The following MYOM1 variants were observed in gnomAD, a reference collection of about 807,000 sequenced individuals.
The protein encoded by MYOM1 is myomesin 1.
MYOM1 carries 164 observed loss-of-function variants against 205.3 expected under a neutral mutation model. That is an observed-to-expected ratio of 0.80 (90% CI 0.70 to 0.91). The LOEUF is 0.91. Among genes scored for constraint, MYOM1 ranks in the 40% least tolerant of loss-of-function variants. The probability of loss-of-function intolerance (pLI) is 0.00; values close to 1 mark genes in which losing one functional copy is unlikely to be tolerated. For synonymous variants in MYOM1, 772 were observed against 789.4 expected, an observed-to-expected ratio of 0.98 and a Z score of 0.37; for missense variants, 2,011 against 2,127.3, an observed-to-expected ratio of 0.95 and a Z score of 1.08.
Position 3,116,505 on chromosome 18 carries a change from G to A in MYOM1, c.3129C>T (p.His1043=), listed in dbSNP as rs372294428. The A allele has an allele frequency of 4.2e-5, 66 of 1,554,334 alleles. No individual in the cohort carries two copies. In the Middle Eastern group the frequency reaches 1.0e-3, roughly 24 times the overall value. The change falls in exon 21 of 38, where the codon CAC becomes CAT. Residue 1043 remains histidine (H), a synonymous_variant. Transcript: ENST00000356443. ...TCCTGACTTCACTACACTTGAGACT[G>A]TGCGGTGGTCCTGAGAGAGAGAGAA... is the stretch of plus-strand genomic sequence containing the variant. ...EWTIAVPGPP[H]SLKCSEVRKD...
In MYOM1 at chr18:3,135,633, T is replaced by G; in HGVS notation, c.2123A>C (p.Tyr708Ser). Residue 708 changes from tyrosine to serine, a missense_variant, in exon 15 of 38, where the codon TAC (tyrosine) becomes TCC (serine). Coordinates refer to ENST00000356443, the MANE Select transcript of MYOM1 (RefSeq NM_003803.4). The surrounding 1 kb of genome is among the most constrained non-coding windows in gnomAD (Gnocchi z 4.1). ...ATTAGAACAGCGGACACGGAAACAG[T>G]AGGATTTCCCCTCGGCCAAGTCAAA... ...ALFDLAEGKS[Y>S]CFRVRCSNSA... is the part of the protein sequence containing the mutation. The G allele has an allele frequency of 6.2e-7, 1 of 1,613,852 alleles. No homozygotes were observed. The highest frequency in any genetic ancestry group is 8.5e-7 in the Non-Finnish European group (1 of 1,179,884).
intron 5 of MYOM1, among the ~76,000 whole-genome samples, chr18:3,180,823 T>C (rs879692879): frequency 3.9e-5 from 6 of 152,142 alleles, no homozygotes; most frequent in Non-Finnish European, 5.9e-5. Flanking sequence ...GAGTTTATAG[T>C]ATGGGGTCAC....
intron 2 of MYOM1, among the ~76,000 whole-genome samples, chr18:3,203,524 A>G (rs2081092157): frequency 6.6e-6 from 1 of 151,846 alleles, no homozygotes; most frequent in Non-Finnish European, 1.5e-5. Flanking sequence ...AAATTAGACA[A>G]CTTAGACAAA....
In MYOM1 at chr18:3,219,231, C is replaced by T. The variant is rs1217246779; in HGVS notation, c.-29+572G>A. On this transcript the variant is annotated intron_variant, in intron 1 of 37. Transcript: ENST00000356443. This position sits in a 1 kb window ranked among gnomAD's most constrained non-coding sequence, Gnocchi z 4.4. ...ATTAGAGGGCAGAAGCTGATGAAAA[C>T]GATTCCCAGAAAAATCACTATGTGG... 2.0e-5 allele frequency among the ~76,000 whole-genome samples: 3 copies of T among 152,036 alleles called. No homozygotes were observed. The highest frequency in any genetic ancestry group is 7.2e-5 in the African/African-American group (3 of 41,398).
the MYOM1 span, among the ~76,000 whole-genome samples, chr18:3,238,328 G>C: frequency 2.6e-5 from 4 of 152,116 alleles, no homozygotes; most frequent in Non-Finnish European, 5.9e-5. Context: ...GTGAGCGATG[G>C]GGAGCAGTTG....
chr18:3,075,562 G>A, intron 35 of MYOM1, 86 bp from the exon 36 acceptor site: 1 of 1,478,052 alleles, frequency 6.8e-7, no homozygotes, highest in East Asian at 2.3e-5. Context: ...CATTTTCCTT[G>A]CCTCAGAGAC....
chr18:3,128,282 G>C (rs1567921314), intron 18 of MYOM1, among the ~76,000 whole-genome samples: 1 of 152,144 alleles, frequency 6.6e-6, no homozygotes, highest in Non-Finnish European at 1.5e-5. Context: ...CGAGTTGAGG[G>C]ACAAAGAAAG....
chr18:3,173,989 C>G lies in MYOM1; in HGVS notation c.1123G>C (p.Glu375Gln), dbSNP rs772688940. 6.2e-7 allele frequency: 1 copy of G among 1,613,020 alleles called. No homozygotes were observed. Among genetic ancestry groups the G allele is most frequent in the Non-Finnish European group, 8.5e-7 (1 of 1,179,306 alleles). The change falls in exon 8 of 38, where the codon GAG becomes CAG. Residue 375 changes from glutamate (E) to glutamine (Q), a missense_variant. Physicochemically the swap from Glu to Gln is conservative, Grantham distance 29. Coordinates refer to ENST00000356443, the MANE Select transcript of MYOM1 (RefSeq NM_003803.4). ...GCGTGGAAGCGAGTCTCATCAAACT[C>G]TCCCTTATACCCTAGAGAAGAAAAC... is the stretch of plus-strand genomic sequence containing the variant. Reference protein sequence around the residue: ...ASVVVKRYKGEFDETRFHAGA... With the variant: ...ASVVVKRYKGQFDETRFHAGA...
Position 3,149,207 on chromosome 18 carries a change from TA to T in MYOM1, c.1844-7del, listed in dbSNP as rs2080181893. Reference sequence around the variant, plus strand: ...CCAGGGTGCTGAGGGGCGACCTGAATAAAGACAAATATAAGAATCACAAACG... The same window carrying T: ...CCAGGGTGCTGAGGGGCGACCTGAATAAGACAAATATAAGAATCACAAACG... On this transcript the variant is annotated splice_region_variant and splice_polypyrimidine_tract_variant and intron_variant, in intron 12 of 37. Coordinates refer to ENST00000356443, the MANE Select transcript of MYOM1 (RefSeq NM_003803.4). 1 of 1,609,454 alleles carries T rather than the reference TA, an allele frequency of 6.2e-7. No individual in the cohort carries two copies. The highest frequency in any genetic ancestry group is 1.3e-5 in the African/African-American group (1 of 74,828).
chr18:3,192,754 T>C (rs2080928990), intron 3 of MYOM1, among the ~76,000 whole-genome samples: 2 of 152,370 alleles, frequency 1.3e-5, no homozygotes, highest in Admixed American at 1.3e-4. Flanking sequence ...TCAAAAATAA[T>C]GTTTATGCAA....
intron 12 of MYOM1, 38 bp from the exon 13 acceptor site, chr18:3,149,239 A>G (rs753657805): frequency 1.3e-6 from 2 of 1,577,066 alleles, no homozygotes; most frequent in East Asian, 2.2e-5. Context: ...AAACGTTTAC[A>G]AGTGTGCAAT....
chr18:3,114,035 C>CT (rs1174484787), intron 21 of MYOM1, among the ~76,000 whole-genome samples: 4 of 152,186 alleles, frequency 2.6e-5, no homozygotes, highest in African/African-American at 9.7e-5. Flanking sequence ...TGAACTTTAA[C>CT]TTAGTTATAG....
the MYOM1 span, among the ~76,000 whole-genome samples, chr18:3,238,434 G>A: frequency 6.6e-6 from 1 of 151,842 alleles, no homozygotes; most frequent in African/African-American, 2.4e-5. Context: ...TAAACATGGT[G>A]AAGATGGGAA....
chr18:3,130,835 A>C (rs900847775), intron 17 of MYOM1, among the ~76,000 whole-genome samples: 2 of 152,300 alleles, frequency 1.3e-5, no homozygotes, highest in Non-Finnish European at 2.9e-5. Flanking sequence ...CATCACATAC[A>C]CACATATAAT....
At chr18:3,226,013 C>T in the MYOM1 span, among the ~76,000 whole-genome samples, 1 of 152,150 alleles carries the variant, frequency 6.6e-6, no homozygotes, top group Non-Finnish European at 1.5e-5. The surrounding 1 kb of genome is among the most constrained non-coding windows in gnomAD (Gnocchi z 4.6). Flanking sequence ...TCTTGCACTT[C>T]GAGAAGAGAG....
At chr18:3,194,216 T>A (rs1263986121) in intron 2 of MYOM1, among the ~76,000 whole-genome samples, 1 of 152,212 alleles carries the variant, frequency 6.6e-6, no homozygotes, top group African/African-American at 2.4e-5. Flanking sequence ...ACTTAAAGTT[T>A]CAAGGGAAAA....
chr18:3,214,786 A>G, intron 2 of MYOM1, 148 bp downstream of exon 2: 1 of 857,192 alleles, frequency 1.2e-6, no homozygotes, highest in Non-Finnish European at 1.7e-6. Context: ...AGATCACGCC[A>G]TTGCACTCCA....
intron 25 of MYOM1, among the ~76,000 whole-genome samples, chr18:3,096,834 T>G (rs900316699): frequency 3.3e-5 from 5 of 152,128 alleles, no homozygotes; most frequent in African/African-American, 4.8e-5. Flanking sequence ...ATTCTTGGTG[T>G]ATGGATATAT....
intron 6 of MYOM1, among the ~76,000 whole-genome samples, 162 bp from the exon 7 acceptor site, chr18:3,174,370 AC>A (rs1259216635): frequency 6.6e-6 from 1 of 152,094 alleles, no homozygotes; most frequent in Non-Finnish European, 1.5e-5. Context: ...TGATCTAGCT[AC>A]CTGTGGGATA....
Sources: allele counts gnomAD v4.1 joint callset (sites outside exome capture counted in the v4.1 genomes callset), GRCh38; gene constraint gnomAD v4.1.1; non-coding constraint Gnocchi (gnomAD v3.1); transcripts MANE v1.5; gene names NCBI Gene and HGNC (gene_info 2026-07-23, HGNC 2026-07-21).